The following ZDHHC15 variants were observed in gnomAD, a reference collection of about 807,000 sequenced individuals.
ZDHHC15 encodes the protein zDHHC palmitoyltransferase 15.
In ZDHHC15, 19 loss-of-function variants were observed where a neutral mutation model predicts 31.7. The ratio of observed to expected loss-of-function variants is 0.60; its 90% CI spans 0.42 to 0.88. ZDHHC15 has a LOEUF of 0.88. Among genes scored for constraint, ZDHHC15 ranks in the 40% least tolerant of loss-of-function variants. The pLI, the probability that ZDHHC15 is intolerant of heterozygous loss-of-function variation, is 0.00. For missense variants in ZDHHC15, 209 were observed against 251.2 expected (o/e 0.83, Z 1.14); for synonymous variants, 103 against 90.0 (o/e 1.14, Z -0.82).
intron 4 of ZDHHC15, among the ~76,000 whole-genome samples, chrX:75,445,895 C>T (rs1232116740): frequency 9.0e-6 from 1 of 111,303 alleles, no homozygotes; most frequent in African/African-American, 3.3e-5. Flanking sequence ...CCTCTCCAAT[C>T]CTGTCTGAAG....
chrX:75,424,013 C>A (rs749632449), intron 8 of ZDHHC15, among the ~76,000 whole-genome samples: 12 of 111,316 alleles, frequency 1.1e-4, no homozygotes, highest in African/African-American at 3.9e-4. Context: ...TGGAATCCAT[C>A]AGTAATATAG....
intron 4 of ZDHHC15, among the ~76,000 whole-genome samples, chrX:75,442,626 A>G (rs1191458574): frequency 1.8e-5 from 2 of 112,128 alleles, no homozygotes; most frequent in Non-Finnish European, 3.8e-5. Flanking sequence ...AGAACTACAA[A>G]CTACTGCTCA....
chrX:75,373,697 AGTAG>A (rs2083024336), intron 11 of ZDHHC15, among the ~76,000 whole-genome samples: 1 of 110,943 alleles, frequency 9.0e-6, no homozygotes, highest in Non-Finnish European at 1.9e-5. Flanking sequence ...ATGGGTACAT[AGTAG>A]GTATATATAT....
chrX:75,477,380 G>C (rs1242053110), intron 3 of ZDHHC15, among the ~76,000 whole-genome samples: 2 of 111,605 alleles, frequency 1.8e-5, no homozygotes, highest in African/African-American at 6.5e-5. Flanking sequence ...CTGGTTTGGT[G>C]TTGTTCAAAT....
intron 9 of ZDHHC15, 29 bp downstream of exon 9, chrX:75,421,835 A>C (rs1326145942): frequency 2.5e-6 from 3 of 1,204,330 alleles, no homozygotes; most frequent in Non-Finnish European, 1.1e-6. Context: ...GTCCAGTACT[A>C]ACTTCTTCCA....
At chrX:75,460,280 A>T (rs1045524230) in intron 3 of ZDHHC15, among the ~76,000 whole-genome samples, 2 of 110,876 alleles carry the variant, frequency 1.8e-5, no homozygotes, top group African/African-American at 6.6e-5. Flanking sequence ...CAGAGCTCTG[A>T]ACTTTCCCTG....
At chrX:75,481,275 T>A (rs767383548) in intron 2 of ZDHHC15, among the ~76,000 whole-genome samples, 1 of 111,962 alleles carries the variant, frequency 8.9e-6, no homozygotes, top group African/African-American at 3.2e-5. Flanking sequence ...GTTTACCCTC[T>A]CATTATACAC....
Position 75,369,246 on chromosome X carries a change from GATA to G in ZDHHC15, c.*3729_*3731del, listed in dbSNP as rs1444548336. On this transcript the variant is annotated 3_prime_UTR_variant, in exon 12 of 12. Transcript: ENST00000373367. ...ACTCTTTTTCTAAAAGGAGAAAACA[GATA>G]ATCATTCTTTTAAATTAAAGTATTT... The G allele has an allele frequency of 1.8e-5, 2 of 111,515 alleles. No homozygotes were observed. Among genetic ancestry groups the G allele is most frequent in the African/African-American group, 6.5e-5 (2 of 30,643 alleles). The allele number at this position is 111,515 out of a possible 1,213,427, so 9.2% of individuals were successfully genotyped here.
chrX:75,438,238 C>A (rs1372717340), intron 4 of ZDHHC15, among the ~76,000 whole-genome samples: 3 of 111,677 alleles, frequency 2.7e-5, no homozygotes, highest in African/African-American at 9.8e-5. Context: ...TCTTGATGGC[C>A]TGTCTCGTGC....
intron 3 of ZDHHC15, among the ~76,000 whole-genome samples, chrX:75,466,693 C>T (rs1181973774): frequency 2.7e-5 from 3 of 111,193 alleles, no homozygotes; most frequent in African/African-American, 9.8e-5. Context: ...TACATATACA[C>T]CATGGAATAT....
intron 10 of ZDHHC15, among the ~76,000 whole-genome samples, chrX:75,404,032 T>C (rs1310158977): frequency 9.0e-6 from 1 of 111,649 alleles, no homozygotes; most frequent in African/African-American, 3.3e-5. Flanking sequence ...AACAGGCACA[T>C]AGACCAAAGG....
chrX:75,471,744 C>A (rs2084506375), intron 3 of ZDHHC15, among the ~76,000 whole-genome samples: 1 of 111,785 alleles, frequency 8.9e-6, no homozygotes, highest in Admixed American at 9.5e-5. Context: ...AGCTACTCTG[C>A]CACTTGGGCT....
At position 75,384,350 on chromosome X, in the gene ZDHHC15, C is replaced by T. The variant is rs930047197; in HGVS notation, c.968-5152G>A. 45 of 918,733 alleles carry T rather than the reference C, an allele frequency of 4.9e-5. 1 individual carries two copies. Among genetic ancestry groups the T allele is most frequent in the East Asian group, 1.5e-4 (5 of 32,399 alleles). 75.7% of individuals were successfully genotyped at this position (918,733 alleles called of 1,213,427 possible). A position where few individuals can be genotyped will look rare whatever the true frequency, so the allele number is the denominator to read the frequency against. ...ATCTTCCAGTAATTCGCCAAAATGA[C>T]GAACACAAAGGGAAAGAGGAGAGGC... On this transcript the variant is annotated intron_variant, in intron 10 of 11. Coordinates refer to ENST00000373367, the MANE Select transcript of ZDHHC15 (RefSeq NM_144969.3).
intron 10 of ZDHHC15, among the ~76,000 whole-genome samples, chrX:75,382,941 A>T (rs752643419): frequency 1.8e-5 from 2 of 112,122 alleles, no homozygotes; most frequent in South Asian, 7.5e-4. Flanking sequence ...TTAGTGGCAG[A>T]GGTGGGAGAT....
At chrX:75,466,667 G>A (rs924907707) in intron 3 of ZDHHC15, among the ~76,000 whole-genome samples, 2 of 111,204 alleles carry the variant, frequency 1.8e-5, no homozygotes, top group South Asian at 3.8e-4. Flanking sequence ...TGATAGACTG[G>A]ATAGAGAAAA....
intron 10 of ZDHHC15, among the ~76,000 whole-genome samples, chrX:75,396,975 G>A (rs962074434): frequency 2.7e-5 from 3 of 110,864 alleles, no homozygotes; most frequent in Non-Finnish European, 5.7e-5. Context: ...GTATAATGAT[G>A]GTAACCAGAG....
At chrX:75,483,017 G>GTA (rs1288737144) in intron 2 of ZDHHC15, among the ~76,000 whole-genome samples, 64 of 95,598 alleles carry the variant, frequency 6.7e-4, no homozygotes, top group Non-Finnish European at 1.3e-3. Flanking sequence ...ATATATATAT[G>GTA]TATATATATA....
intron 3 of ZDHHC15, among the ~76,000 whole-genome samples, chrX:75,465,474 AC>A (rs2084388811): frequency 8.9e-6 from 1 of 111,884 alleles, no homozygotes; most frequent in Non-Finnish European, 1.9e-5. Flanking sequence ...TTCGTATGGA[AC>A]CAAAAAAGAG....
At chrX:75,388,487 T>A (rs1298876118) in intron 10 of ZDHHC15, among the ~76,000 whole-genome samples, 1 of 112,326 alleles carries the variant, frequency 8.9e-6, no homozygotes, top group Non-Finnish European at 1.9e-5. Context: ...ATTTTCTTTG[T>A]GATTTAAGAA....
Sources: gnomAD v4.1 joint callset for allele counts (sites outside exome capture counted in the v4.1 genomes callset) on GRCh38, gnomAD v4.1.1 for gene constraint, MANE v1.5 for transcripts, NCBI Gene and HGNC (gene_info 2026-07-23, HGNC 2026-07-21) for gene names.